Variants in CORO1C observed in about 807,000 individuals in gnomAD.
CORO1C encodes coronin-1C.
In CORO1C, 14 loss-of-function variants were observed where a neutral mutation model predicts 51.2. The observed-to-expected ratio is 0.27, with a 90% CI of 0.18 to 0.43. The LOEUF (loss-of-function observed/expected upper bound fraction) is 0.43. Among genes scored for constraint, CORO1C ranks in the 20% least tolerant of loss-of-function variants. The probability of loss-of-function intolerance (pLI) is 1.00; values close to 1 mark genes in which losing one functional copy is unlikely to be tolerated. For missense variants in CORO1C, 417 were observed against 607.8 expected, an observed-to-expected ratio of 0.69 and a Z score of 3.30; for synonymous variants, 181 against 210.5, an observed-to-expected ratio of 0.86 and a Z score of 1.21.
At chr12:108,697,823 C>A (rs1272287345) in intron 2 of CORO1C, among the ~76,000 whole-genome samples, 1 of 152,198 alleles carries the variant, frequency 6.6e-6, no homozygotes, top group Non-Finnish European at 1.5e-5. Flanking sequence ...GACAATCAAA[C>A]CAACTAATCG....
intron 1 of CORO1C, among the ~76,000 whole-genome samples, chr12:108,722,610 T>TA (rs751499689): frequency 3.8e-4 from 58 of 152,348 alleles, no homozygotes; most frequent in Middle Eastern, 3.4e-3. Flanking sequence ...ACCCACCACT[T>TA]ACAATGCTGA....
At chr12:108,714,258 G>A (rs1469433707) in intron 1 of CORO1C, among the ~76,000 whole-genome samples, 4 of 151,870 alleles carry the variant, frequency 2.6e-5, no homozygotes, top group African/African-American at 7.3e-5. Context: ...GCGTGGTGGC[G>A]CACAACTGTA....
At chr12:108,669,421 C>T (rs1286950514) in intron 3 of CORO1C, among the ~76,000 whole-genome samples, 3 of 151,992 alleles carry the variant, frequency 2.0e-5, no homozygotes, top group African/African-American at 7.3e-5. Context: ...AATAACAGTC[C>T]ATTATACGTT....
chr12:108,697,539 C>T (rs751086804), intron 2 of CORO1C, among the ~76,000 whole-genome samples: 2 of 152,168 alleles, frequency 1.3e-5, no homozygotes, highest in Non-Finnish European at 2.9e-5. Context: ...CAAAGCAACA[C>T]CTCATGATAA....
intron 5 of CORO1C, 82 bp from the exon 6 acceptor site, chr12:108,657,505 T>G: frequency 7.0e-7 from 1 of 1,438,622 alleles, no homozygotes; most frequent in East Asian, 2.4e-5. Flanking sequence ...AGATCCAACC[T>G]CACCAACTGC....
chr12:108,698,591 G>T (rs1413255462), intron 2 of CORO1C, among the ~76,000 whole-genome samples: 1 of 152,186 alleles, frequency 6.6e-6, no homozygotes, highest in African/African-American at 2.4e-5. Flanking sequence ...ATTTTTAGTA[G>T]AGACGAGGTT....
chr12:108,722,031 C>G (rs1175895791), intron 1 of CORO1C, among the ~76,000 whole-genome samples: 1 of 152,174 alleles, frequency 6.6e-6, no homozygotes, highest in East Asian at 1.9e-4. Context: ...TTCCAGGTAT[C>G]AGGACTAGCC....
intron 1 of CORO1C, among the ~76,000 whole-genome samples, chr12:108,707,691 A>C (rs1342449016): frequency 6.6e-6 from 1 of 152,248 alleles, no homozygotes; most frequent in African/African-American, 2.4e-5. Flanking sequence ...CAAGAAATCG[A>C]AGACAACTCA....
At chr12:108,691,695 G>A (rs572160689) in intron 2 of CORO1C, among the ~76,000 whole-genome samples, 9 of 152,180 alleles carry the variant, frequency 5.9e-5, no homozygotes, top group Non-Finnish European at 1.2e-4. Context: ...CAGCCACAGC[G>A]CTCTGATGGC....
Position 108,647,420 on chromosome 12 carries a change from C to A in CORO1C, c.1408G>T (p.Ala470Ser), listed in dbSNP as rs1314791370. 1 of 1,613,362 alleles carries A rather than the reference C, an allele frequency of 6.2e-7. No individual in the cohort carries two copies. Among genetic ancestry groups the A allele is most frequent in the Non-Finnish European group, 8.5e-7 (1 of 1,179,778 alleles). The change falls in exon 11 of 11, where the codon GCA becomes TCA. Residue 470 changes from alanine to serine, a missense_variant. Physicochemically the swap from Ala to Ser is moderately conservative, Grantham distance 99. Transcript: ENST00000261401. ...ERISKLEQQMAKIAA is the reference protein window; with the variant it reads ...ERISKLEQQMSKIAA ...TGGGACCTTCAGGCTGCTATCTTTG[C>A]CATCTGCTGTTCTAACTTGGAAATA...
At chr12:108,704,998 A>G (rs1217644878) in intron 1 of CORO1C, among the ~76,000 whole-genome samples, 3 of 152,252 alleles carry the variant, frequency 2.0e-5, no homozygotes, top group South Asian at 2.1e-4. Flanking sequence ...TTCTTATGCT[A>G]TAATAGTACC....
chr12:108,687,924 CTT>C (rs200001763), intron 2 of CORO1C, among the ~76,000 whole-genome samples: 4 of 143,886 alleles, frequency 2.8e-5, no homozygotes, highest in Admixed American at 6.9e-5. Flanking sequence ...CCCTCTGACC[CTT>C]TTTTTTTTTT....
chr12:108,654,382 T>G lies in CORO1C; in HGVS notation c.779A>C (p.His260Pro). 6.2e-7 allele frequency: 1 copy of G among 1,612,174 alleles called. No individual in the cohort carries two copies. The highest frequency in any genetic ancestry group is 8.5e-7 in the Non-Finnish European group (1 of 1,178,360). ...CACCCCATTGCTAGTGTCCATCTCA[T>G]GAAGAGCAATTGGTTCCTGCATATT... ...PKNMQEPIALHEMDTSNGVLL... is the reference protein window; with the variant it reads ...PKNMQEPIALPEMDTSNGVLL... The change falls in exon 7 of 11, where the codon CAT (histidine) becomes CCT (proline). Residue 260 changes from histidine to proline, a missense_variant. Coordinates refer to ENST00000261401, the MANE Select transcript of CORO1C (RefSeq NM_014325.4).
intron 2 of CORO1C, among the ~76,000 whole-genome samples, chr12:108,693,801 G>A (rs1209808050): frequency 1.3e-5 from 2 of 152,068 alleles, no homozygotes; most frequent in Non-Finnish European, 2.9e-5. Context: ...TTAAAAGTTG[G>A]GTTGGCTCCT....
chr12:108,711,417 C>T (rs112401537), intron 1 of CORO1C, among the ~76,000 whole-genome samples: 4 of 152,006 alleles, frequency 2.6e-5, no homozygotes, highest in Non-Finnish European at 5.9e-5. Context: ...TGGTGGCTCA[C>T]GCCTGTAATC....
intron 1 of CORO1C, among the ~76,000 whole-genome samples, chr12:108,716,023 C>T (rs939696952): frequency 2.7e-5 from 4 of 146,470 alleles, no homozygotes; most frequent in Non-Finnish European, 4.5e-5. Flanking sequence ...CCCAGCTACT[C>T]GGGAGGCTGA....
chr12:108,653,818 G>A (rs2032802132), intron 7 of CORO1C, among the ~76,000 whole-genome samples: 1 of 152,250 alleles, frequency 6.6e-6, no homozygotes, highest in South Asian at 2.1e-4. Context: ...TCAAAAGTTT[G>A]CATCCACAAA....
intron 2 of CORO1C, among the ~76,000 whole-genome samples, chr12:108,693,402 G>A (rs760203886): frequency 6.6e-6 from 1 of 152,122 alleles, no homozygotes; most frequent in Non-Finnish European, 1.5e-5. Context: ...AGAAGTCACT[G>A]CTTTTTCCTA....
chr12:108,688,841 C>A (rs145683753), intron 2 of CORO1C, among the ~76,000 whole-genome samples: 14 of 152,162 alleles, frequency 9.2e-5, no homozygotes, highest in Admixed American at 5.2e-4. Flanking sequence ...ACCAGCCTGG[C>A]CAAAATGGTG....
Sources: gnomAD v4.1 joint callset for allele counts (sites outside exome capture counted in the v4.1 genomes callset) on GRCh38, gnomAD v4.1.1 for gene constraint, MANE v1.5 for transcripts, NCBI Gene and HGNC (gene_info 2026-07-23, HGNC 2026-07-21) for gene names.